The following FGF14 variants were observed in gnomAD, a reference collection of about 807,000 sequenced individuals.
The protein encoded by FGF14 is fibroblast growth factor 14.
A neutral mutation model predicts 25.5 loss-of-function variants in FGF14; 5 were observed. The observed-to-expected ratio is 0.20, with a 90% confidence interval of 0.10 to 0.41. FGF14 has a LOEUF of 0.41. FGF14 is among the 10% of genes least tolerant of loss of function. The pLI, the probability that FGF14 is intolerant of heterozygous loss-of-function variation, is 1.00. For synonymous variants in FGF14, 138 were observed against 118.3 expected, an observed-to-expected ratio of 1.17 and a Z score of -1.08; for missense variants, 222 against 320.1, an observed-to-expected ratio of 0.69 and a Z score of 2.34.
chr13:102,007,409 A>G (rs1252770109), intron 1 of FGF14, among the ~76,000 whole-genome samples: 1 of 152,244 alleles, frequency 6.6e-6, no homozygotes, highest in Non-Finnish European at 1.5e-5. Context: ...ATCAAAAGCC[A>G]TGAATGCATT....
chr13:102,379,104 T>C (rs2058116100), intron 1 of FGF14, among the ~76,000 whole-genome samples: 1 of 152,110 alleles, frequency 6.6e-6, no homozygotes, highest in African/African-American at 2.4e-5. Context: ...CAAATCGAAA[T>C]TCCAATTTTT....
intron 1 of FGF14, among the ~76,000 whole-genome samples, chr13:102,039,359 G>C (rs1442625626): frequency 6.6e-6 from 1 of 152,082 alleles, no homozygotes; most frequent in East Asian, 2.0e-4. Context: ...GTCTCCTGGG[G>C]CTCCTGTAAG....
At chr13:101,945,307 A>C in intron 1 of FGF14, among the ~76,000 whole-genome samples, 1 of 152,198 alleles carries the variant, frequency 6.6e-6, no homozygotes, top group East Asian at 1.9e-4. Context: ...AACAAGAGTG[A>C]AACTCCATCC....
chr13:102,017,316 C>G (rs577231604), intron 1 of FGF14, among the ~76,000 whole-genome samples: 15 of 152,248 alleles, frequency 9.9e-5, no homozygotes, highest in Admixed American at 7.8e-4. Flanking sequence ...GAAACATAAT[C>G]TCTAAATTCT....
intron 1 of FGF14, among the ~76,000 whole-genome samples, chr13:102,246,797 C>CA (rs2051895932): frequency 6.6e-6 from 1 of 150,694 alleles, no homozygotes; most frequent in African/African-American, 2.4e-5. Flanking sequence ...CAATTCTGAG[C>CA]AAAAAGAACA....
At chr13:102,266,552 A>T (rs943424047) in intron 1 of FGF14, among the ~76,000 whole-genome samples, 1 of 152,180 alleles carries the variant, frequency 6.6e-6, no homozygotes, top group Admixed American at 6.6e-5. Context: ...CGCATTTTAT[A>T]AAAGAATTGC....
intron 1 of FGF14, among the ~76,000 whole-genome samples, chr13:102,187,116 C>T (rs1006191709): frequency 2.0e-5 from 3 of 152,146 alleles, no homozygotes; most frequent in Non-Finnish European, 4.4e-5. Flanking sequence ...ACAAATCTAG[C>T]CTTTTCCCAT....
intron 1 of FGF14, among the ~76,000 whole-genome samples, chr13:102,348,330 G>A (rs2057173701): frequency 6.6e-6 from 1 of 152,184 alleles, no homozygotes; most frequent in Admixed American, 6.5e-5. Context: ...CTTGGGAGAT[G>A]TTACGGGATA....
At chr13:102,267,995 G>A (rs2053072468) in intron 1 of FGF14, among the ~76,000 whole-genome samples, 1 of 151,884 alleles carries the variant, frequency 6.6e-6, no homozygotes, top group South Asian at 2.1e-4. Flanking sequence ...AAATAGATAA[G>A]AAGGAAACAA....
intron 1 of FGF14, among the ~76,000 whole-genome samples, chr13:102,175,940 G>A (rs966481738): frequency 2.0e-5 from 3 of 152,104 alleles, no homozygotes; most frequent in Non-Finnish European, 4.4e-5. Context: ...AGGATGTGGA[G>A]AAAAGGAAAT....
At chr13:102,183,369 G>C (rs1349391258) in intron 1 of FGF14, among the ~76,000 whole-genome samples, 3 of 152,152 alleles carry the variant, frequency 2.0e-5, no homozygotes, top group African/African-American at 7.2e-5. Flanking sequence ...TTGAAGAATG[G>C]AAAGTTAAGA....
At chr13:101,742,278 C>G (rs1288768654) in intron 3 of FGF14, among the ~76,000 whole-genome samples, 1 of 152,120 alleles carries the variant, frequency 6.6e-6, no homozygotes, top group African/African-American at 2.4e-5. Flanking sequence ...CACATGTATA[C>G]CTATGTAACA....
chr13:101,796,162 TA>T (rs1263834844), intron 3 of FGF14, among the ~76,000 whole-genome samples: 1 of 152,118 alleles, frequency 6.6e-6, no homozygotes, highest in Non-Finnish European at 1.5e-5. Flanking sequence ...CTTCAGTAAA[TA>T]GCTTAAAATT....
chr13:102,118,146 T>C (rs1394232833), intron 1 of FGF14, among the ~76,000 whole-genome samples: 1 of 152,134 alleles, frequency 6.6e-6, no homozygotes, highest in Non-Finnish European at 1.5e-5. Flanking sequence ...ACAGTAGTTT[T>C]GTTAGTACTA....
At position 101,815,086 on chromosome 13, in the gene FGF14, T is replaced by C. The variant is rs114100657; in HGVS notation, c.408+53639A>G. ...TATCAAGTGGAAGAAAGAATGTTGT[T>C]CTGCAATTCCACAAGAGGGTTAGAG... On this transcript the variant is annotated intron_variant, in intron 3 of 4. Transcript: ENST00000376143. 2.7e-3 allele frequency among the ~76,000 whole-genome samples: 404 copies of C among 152,320 alleles called. 1 individual carries two copies. Among genetic ancestry groups the C allele is most frequent in the African/African-American group, 9.1e-3 (377 of 41,576 alleles).
At chr13:102,079,493 C>T (rs1427689287) in intron 1 of FGF14, among the ~76,000 whole-genome samples, 1 of 152,110 alleles carries the variant, frequency 6.6e-6, no homozygotes, top group Non-Finnish European at 1.5e-5. Flanking sequence ...GTTGCCCAGG[C>T]TATCCTTGAA....
At chr13:102,252,082 C>G (rs898076598) in intron 1 of FGF14, among the ~76,000 whole-genome samples, 10 of 152,108 alleles carry the variant, frequency 6.6e-5, no homozygotes, top group African/African-American at 2.4e-4. Flanking sequence ...CTATCTGGAC[C>G]ATGTTAGGAA....
chr13:101,805,278 A>G (rs569762966), intron 3 of FGF14, among the ~76,000 whole-genome samples: 1 of 152,260 alleles, frequency 6.6e-6, no homozygotes, highest in East Asian at 1.9e-4. Context: ...ATACAAAAGA[A>G]ACTGTGTGGA....
intron 1 of FGF14, among the ~76,000 whole-genome samples, chr13:101,901,477 G>A (rs899700256): frequency 1.3e-5 from 2 of 152,160 alleles, no homozygotes; most frequent in Admixed American, 1.3e-4. Context: ...GCCGGGGCGG[G>A]TGGGTCACCT....
Sources: gnomAD v4.1 joint callset for allele counts (sites outside exome capture counted in the v4.1 genomes callset) on GRCh38, gnomAD v4.1.1 for gene constraint, MANE v1.5 for transcripts, NCBI Gene and HGNC (gene_info 2026-07-23, HGNC 2026-07-21) for gene names.